MEST: variants seen among roughly 807,000 people sequenced by gnomAD.
MEST encodes the protein mesoderm-specific transcript homolog protein.
MEST carries 18 observed loss-of-function variants against 50.9 expected under a neutral mutation model. The observed-to-expected ratio is 0.35, with a 90% CI of 0.24 to 0.52. The LOEUF is 0.52. Ranked by LOEUF, MEST falls within the 20% of genes least tolerant of loss-of-function variation. The pLI, the probability that MEST is intolerant of heterozygous loss-of-function variation, is 0.94. For synonymous variants in MEST, 130 were observed against 154.1 expected (o/e 0.84, Z 1.16); for missense variants, 282 against 425.3 (o/e 0.66, Z 2.96).
At chr7:130,488,324 T>C (rs1798683849), upstream of MEST, 1 of 152,206 alleles carries the variant, frequency 6.6e-6, no homozygotes, top group Non-Finnish European at 1.5e-5. Context: ...TTATGTTGAA[T>C]CGACATCTGT....
intron 1 of MEST, among the ~76,000 whole-genome samples, chr7:130,494,159 TG>T (rs1383096854): frequency 3.3e-5 from 5 of 152,070 alleles, no homozygotes; most frequent in South Asian, 2.1e-4. Context: ...ATCAGGGATA[TG>T]GGGGGGAAAA....
At chr7:130,490,347 G>A (rs1372381392), upstream of MEST, among the ~76,000 whole-genome samples, 3 of 152,082 alleles carry the variant, frequency 2.0e-5, no homozygotes, top group South Asian at 2.1e-4. Context: ...CCCCAAACAC[G>A]CGGCCCTGAG....
upstream of MEST, among the ~76,000 whole-genome samples, chr7:130,491,735 G>A (rs75098511): frequency 0.057 from 8,604 of 152,194 alleles, 312 homozygotes; most frequent in African/African-American, 0.1. This position sits in a 1 kb window ranked among gnomAD's most constrained non-coding sequence, Gnocchi z 6.8. Flanking sequence ...CGGCCTGTGG[G>A]GTTTGTGGGT....
chr7:130,504,691 T>C (rs1476586042), intron 11 of MEST, among the ~76,000 whole-genome samples: 2 of 152,234 alleles, frequency 1.3e-5, no homozygotes, highest in Non-Finnish European at 2.9e-5. Context: ...CTTTGACAAT[T>C]GTTGCAAAAG....
At chr7:130,486,531 T>G (rs1406607651) in intron 1 of MEST, 2 of 152,420 alleles carry the variant, frequency 1.3e-5, no homozygotes, top group African/African-American at 2.4e-5. Context: ...TAAGTGCGCG[T>G]GGCCCAGGAG....
At chr7:130,504,634 A>T (rs1799407674) in intron 11 of MEST, among the ~76,000 whole-genome samples, 1 of 152,214 alleles carries the variant, frequency 6.6e-6, no homozygotes, top group Non-Finnish European at 1.5e-5. Flanking sequence ...TGTGTGATCC[A>T]CTTGTTTGAT....
In MEST at chr7:130,497,799, C is replaced by T; in HGVS notation, c.262-137C>T. 1.3e-6 allele frequency: 1 copy of T among 747,436 alleles called. No homozygotes were observed. Among genetic ancestry groups the T allele is most frequent in the Non-Finnish European group, 2.4e-6 (1 of 419,956 alleles). 46.3% of individuals were successfully genotyped at this position (747,436 alleles called of 1,614,324 possible). Reference sequence around the variant, plus strand: ...TTTCCAAGAGGATCATCTGTGGGACCTGTGGTAGTTTCATGGCGTTTTCTC... The same window carrying T: ...TTTCCAAGAGGATCATCTGTGGGACTTGTGGTAGTTTCATGGCGTTTTCTC... On this transcript the variant is annotated intron_variant, in intron 3 of 11. Coordinates refer to ENST00000223215, the MANE Select transcript of MEST (RefSeq NM_002402.4). The surrounding 1 kb of genome is among the most constrained non-coding windows in gnomAD (Gnocchi z 4.0).
In MEST at chr7:130,497,910, C is replaced by T; in HGVS notation, c.262-26C>T. On this transcript the variant is annotated intron_variant, in intron 3 of 11. Transcript: ENST00000223215. This position sits in a 1 kb window ranked among gnomAD's most constrained non-coding sequence, Gnocchi z 4.0. ...GAAAGGGAGGGGCAGGAGCAGAAAG[C>T]CCAAATCATCGTTTCTTTCTTGTAG... The T allele has an allele frequency of 1.2e-6, 2 of 1,611,222 alleles. No homozygotes were observed. Among genetic ancestry groups the T allele is most frequent in the Non-Finnish European group, 1.7e-6 (2 of 1,177,354 alleles).
intron 1 of MEST, chr7:130,486,961 G>C (rs542548929): frequency 1.3e-5 from 2 of 153,412 alleles, no homozygotes; most frequent in Admixed American, 1.3e-4. Flanking sequence ...TGGTGGCGCG[G>C]CTGGGGGCCT....
At position 130,500,635 on chromosome 7, in the gene MEST, GGTGTTGGCCGCTT is replaced by G; in HGVS notation, c.647+105_647+117del. ...CTAAGGCTTGATATTTTAAAGCAAA[GGTGTTGGCCGCTT>G]GCCAGGGAAGTAGAAGGAATTCATA... On this transcript the variant is annotated intron_variant, in intron 8 of 11. Coordinates refer to ENST00000223215, the MANE Select transcript of MEST (RefSeq NM_002402.4). This position sits in a 1 kb window ranked among gnomAD's most constrained non-coding sequence, Gnocchi z 5.0. 1 of 1,311,966 alleles carries G rather than the reference GGTGTTGGCCGCTT, an allele frequency of 7.6e-7. No individual in the cohort carries two copies. Among genetic ancestry groups the G allele is most frequent in the Non-Finnish European group, 1.1e-6 (1 of 938,050 alleles). The allele number at this position is 1,311,966 out of a possible 1,614,324, so 81.3% of individuals were successfully genotyped here.
chr7:130,494,810 G>A, intron 1 of MEST: 1 of 984,688 alleles, frequency 1.0e-6, no homozygotes, highest in Non-Finnish European at 1.2e-6. Context: ...AGGCAGGAGG[G>A]CTGAAAATCA....
intron 1 of MEST, 81 bp from the exon 2 acceptor site, chr7:130,495,287 C>A (rs1799003513): frequency 5.7e-6 from 8 of 1,410,762 alleles, no homozygotes; most frequent in Non-Finnish European, 7.7e-6. Flanking sequence ...AATCTCCCAC[C>A]CCATCTTACC....
chr7:130,497,699 C>G lies in MEST; in HGVS notation c.262-237C>G. 1.8e-6 allele frequency: 1 copy of G among 558,972 alleles called. No homozygotes were observed. The highest frequency in any genetic ancestry group is 3.2e-6 in the Non-Finnish European group (1 of 312,728). The allele number at this position is 558,972 out of a possible 1,614,324, so 34.6% of individuals were successfully genotyped here. ...CTTATTTACTGAAGGGAATAAACAA[C>G]TCCTTGGCACTCTGGAAGGGATCAC... On this transcript the variant is annotated intron_variant, in intron 3 of 11. Coordinates refer to ENST00000223215, the MANE Select transcript of MEST (RefSeq NM_002402.4). The surrounding 1 kb of genome is among the most constrained non-coding windows in gnomAD (Gnocchi z 4.0).
chr7:130,490,547 C>T (rs1311756160), upstream of MEST, among the ~76,000 whole-genome samples: 6 of 152,156 alleles, frequency 3.9e-5, no homozygotes, highest in African/African-American at 1.2e-4. Flanking sequence ...GGCACCGTGG[C>T]GGGCTCTGGG....
At chr7:130,501,235 C>G (rs1799267000) in intron 9 of MEST, among the ~76,000 whole-genome samples, 1 of 152,118 alleles carries the variant, frequency 6.6e-6, no homozygotes, top group Admixed American at 6.5e-5. Flanking sequence ...AATTCCCATG[C>G]CTTGGTTCAA....
chr7:130,495,220 GTC>G (rs1799000106), intron 1 of MEST, 146 bp from the exon 2 acceptor site: 1 of 692,132 alleles, frequency 1.4e-6, no homozygotes, highest in Non-Finnish European at 2.3e-6. Flanking sequence ...TTTGATTATA[GTC>G]TCGGTCAGCT....
chr7:130,490,284 T>A (rs1798749861), upstream of MEST, among the ~76,000 whole-genome samples: 1 of 152,224 alleles, frequency 6.6e-6, no homozygotes, highest in Non-Finnish European at 1.5e-5. Flanking sequence ...TTCCCTACGA[T>A]GAAATTCTCT....
chr7:130,499,015 T>C (rs552118594), intron 6 of MEST, among the ~76,000 whole-genome samples: 74 of 152,350 alleles, frequency 4.9e-4, no homozygotes, highest in African/African-American at 1.7e-3. Context: ...CAATTTTTTT[T>C]CTCATCAATG....
At position 130,492,323 on chromosome 7, in the gene MEST, C is replaced by G. The variant is rs1798855701; in HGVS notation, c.10C>G (p.Arg4Gly). Residue 4 changes from arginine to glycine, a missense_variant, in exon 1 of 12, where the codon CGA (arginine) becomes GGA (glycine). Arg to Gly is a moderately radical substitution (Grantham distance 125). Transcript: ENST00000223215. This position sits in a 1 kb window ranked among gnomAD's most constrained non-coding sequence, Gnocchi z 7.6. ...ATGGGATAACGCGGCCATGGTGCGC[C>G]GAGATCGCCTCCGCAGGTGAGTGTG... MVR[R>G]DRLRRMREWW... The G allele has an allele frequency of 7.5e-7, 1 of 1,341,860 alleles. No individual in the cohort carries two copies. Among genetic ancestry groups the G allele is most frequent in the Non-Finnish European group, 9.6e-7 (1 of 1,046,046 alleles). 83.1% of individuals were successfully genotyped at this position (1,341,860 alleles called of 1,614,324 possible). A position where few individuals can be genotyped will look rare whatever the true frequency, so the allele number is the denominator to read the frequency against.
Sources: gnomAD v4.1 joint callset for allele counts (sites outside exome capture counted in the v4.1 genomes callset) on GRCh38, gnomAD v4.1.1 for gene constraint, Gnocchi (gnomAD v3.1) non-coding constraint, MANE v1.5 for transcripts, NCBI Gene and HGNC (gene_info 2026-07-23, HGNC 2026-07-21) for gene names.